The following IL1RAPL2 variants were observed in gnomAD, a reference collection of about 807,000 sequenced individuals.
IL1RAPL2 encodes interleukin 1 receptor accessory protein like 2.
In IL1RAPL2, 3 loss-of-function variants were observed where a neutral mutation model predicts 44.1. The observed-to-expected ratio is 0.07, with a 90% CI of 0.03 to 0.18. The LOEUF (loss-of-function observed/expected upper bound fraction) is 0.18, where lower values mean the gene tolerates loss of function less well. Among genes scored for constraint, IL1RAPL2 ranks in the 10% least tolerant of loss-of-function variants. The probability of loss-of-function intolerance (pLI) is 1.00; values close to 1 mark genes in which losing one functional copy is unlikely to be tolerated. For synonymous variants in IL1RAPL2, 181 were observed against 178.8 expected, an observed-to-expected ratio of 1.01 and a Z score of -0.10; for missense variants, 391 against 496.4, an observed-to-expected ratio of 0.79 and a Z score of 2.02.
intron 6 of IL1RAPL2, among the ~76,000 whole-genome samples, chrX:105,525,260 A>G (rs1271057052): frequency 1.8e-5 from 2 of 111,715 alleles, no homozygotes; most frequent in Non-Finnish European, 3.8e-5. Context: ...TTCAGCTGCT[A>G]TGAAGGATCA....
At chrX:104,822,575 T>G (rs1921332322) in intron 2 of IL1RAPL2, among the ~76,000 whole-genome samples, 1 of 112,066 alleles carries the variant, frequency 8.9e-6, no homozygotes, top group Admixed American at 9.5e-5. Context: ...GTGGTGTTAT[T>G]TCTGAGGACT....
intron 1 of IL1RAPL2, among the ~76,000 whole-genome samples, chrX:104,613,423 T>A (rs1486059277): frequency 1.8e-5 from 2 of 112,100 alleles, no homozygotes; most frequent in South Asian, 7.4e-4. Context: ...ATTGAGATGA[T>A]CATATGGTTT....
At chrX:104,632,851 G>A (rs1387788978) in intron 1 of IL1RAPL2, among the ~76,000 whole-genome samples, 3 of 110,058 alleles carry the variant, frequency 2.7e-5, no homozygotes, top group African/African-American at 6.6e-5. Flanking sequence ...CTGCCTGATT[G>A]CCCTGGCCAG....
intron 2 of IL1RAPL2, among the ~76,000 whole-genome samples, chrX:104,891,052 G>A (rs1365807355): frequency 8.9e-6 from 1 of 111,884 alleles, no homozygotes; most frequent in Non-Finnish European, 1.9e-5. Flanking sequence ...TTGTTAAATA[G>A]GGAATCCTTT....
chrX:105,437,775 T>C (rs2035892132), intron 5 of IL1RAPL2, among the ~76,000 whole-genome samples: 1 of 111,488 alleles, frequency 9.0e-6, no homozygotes, highest in African/African-American at 3.3e-5. Context: ...AACAGTAAAA[T>C]ATAAAGTGTT....
chrX:105,004,400 C>A (rs1312946446), intron 2 of IL1RAPL2, among the ~76,000 whole-genome samples: 3 of 110,394 alleles, frequency 2.7e-5, no homozygotes, highest in Non-Finnish European at 5.7e-5. Context: ...TTTTTTAAAA[C>A]TTTTACGATG....
At chrX:105,116,765 G>A (rs989231157) in intron 2 of IL1RAPL2, among the ~76,000 whole-genome samples, 3 of 112,191 alleles carry the variant, frequency 2.7e-5, no homozygotes, top group Non-Finnish European at 5.6e-5. Flanking sequence ...CTAATTTTTT[G>A]GTAGGAAATT....
At position 104,914,599 on chromosome X, in the gene IL1RAPL2, G is replaced by A. The variant is rs1425448086; in HGVS notation, c.82+255604G>A. Among the ~76,000 whole-genome samples, 6 of 110,958 alleles carry A rather than the reference G, an allele frequency of 5.4e-5. No individual in the cohort carries two copies. In the South Asian group the frequency reaches 1.2e-3, roughly 21 times the overall value. ...TTATTATTATATTTTAAGTTTTAGG[G>A]TACATGTGCACAATGTGCAGGTTAG... On this transcript the variant is annotated intron_variant, in intron 2 of 10. Transcript: ENST00000372582.
At chrX:105,249,136 A>G (rs1026868474) in intron 4 of IL1RAPL2, among the ~76,000 whole-genome samples, 2 of 111,781 alleles carry the variant, frequency 1.8e-5, no homozygotes, top group Admixed American at 9.5e-5. Context: ...AATGTGGTAC[A>G]TATACACAAT....
intron 1 of IL1RAPL2, among the ~76,000 whole-genome samples, chrX:104,599,161 A>C (rs770048259): frequency 8.9e-6 from 1 of 112,059 alleles, no homozygotes; most frequent in East Asian, 2.8e-4. Flanking sequence ...CCTCCATAGG[A>C]CCTGGAAGAA....
At chrX:105,746,424 T>C (rs1040917655) in intron 8 of IL1RAPL2, among the ~76,000 whole-genome samples, 2 of 111,862 alleles carry the variant, frequency 1.8e-5, no homozygotes, top group African/African-American at 3.3e-5. Flanking sequence ...AAAATTGCAA[T>C]TGAAAATAGA....
chrX:105,636,983 G>C (rs1177752829), intron 6 of IL1RAPL2, among the ~76,000 whole-genome samples: 1 of 111,184 alleles, frequency 9.0e-6, no homozygotes, highest in East Asian at 2.8e-4. Context: ...AAAAGTCTTA[G>C]GTGGGGGGGA....
chrX:105,431,339 A>G (rs1043690226), intron 5 of IL1RAPL2, among the ~76,000 whole-genome samples: 2 of 112,063 alleles, frequency 1.8e-5, no homozygotes, highest in Non-Finnish European at 3.8e-5. Flanking sequence ...CATCTCCATT[A>G]GACACCCAGC....
At chrX:105,421,439 C>G (rs1021037033) in intron 5 of IL1RAPL2, among the ~76,000 whole-genome samples, 2 of 111,197 alleles carry the variant, frequency 1.8e-5, no homozygotes, top group African/African-American at 6.5e-5. Context: ...CACACATTCC[C>G]CCTTCTCATT....
chrX:105,739,437 C>G (rs761457421), intron 7 of IL1RAPL2, among the ~76,000 whole-genome samples: 2 of 106,556 alleles, frequency 1.9e-5, no homozygotes, highest in Non-Finnish European at 3.9e-5. Context: ...CATGCTGGTG[C>G]GCTGCACCCA....
At chrX:105,449,436 T>C (rs2036001337) in intron 5 of IL1RAPL2, among the ~76,000 whole-genome samples, 1 of 110,823 alleles carries the variant, frequency 9.0e-6, no homozygotes, top group East Asian at 2.8e-4. Context: ...TACAAAAAAT[T>C]AGCCGGGCAT....
At chrX:105,256,153 G>A (rs1370915221) in intron 4 of IL1RAPL2, among the ~76,000 whole-genome samples, 1 of 110,461 alleles carries the variant, frequency 9.1e-6, no homozygotes, top group Non-Finnish European at 1.9e-5. Flanking sequence ...GAACAATGCT[G>A]GTTTCATAGA....
chrX:105,228,994 G>A (rs782659282), intron 3 of IL1RAPL2, among the ~76,000 whole-genome samples: 1 of 112,246 alleles, frequency 8.9e-6, no homozygotes, highest in East Asian at 2.8e-4. Flanking sequence ...TGTTGCTGCA[G>A]TATCATTGCA....
intron 6 of IL1RAPL2, among the ~76,000 whole-genome samples, chrX:105,567,976 T>A (rs2036986485): frequency 9.0e-6 from 1 of 111,160 alleles, no homozygotes; most frequent in South Asian, 3.8e-4. Context: ...CACTCATTTA[T>A]TAGATTTTAC....
Sources: allele counts gnomAD v4.1 joint callset (sites outside exome capture counted in the v4.1 genomes callset), GRCh38; gene constraint gnomAD v4.1.1; transcripts MANE v1.5; gene names NCBI Gene and HGNC (gene_info 2026-07-23, HGNC 2026-07-21).